DPP6: variants seen among roughly 807,000 people sequenced by gnomAD.
The protein encoded by DPP6 is dipeptidyl peptidase like 6.
In DPP6, 69 loss-of-function variants were observed where a neutral mutation model predicts 122.6. The observed-to-expected ratio is 0.56, with a 90% CI of 0.46 to 0.69. DPP6 has a LOEUF of 0.69. Ranked by LOEUF, DPP6 falls within the 30% of genes least tolerant of loss-of-function variation. The pLI is 0.00. For synonymous variants in DPP6, 418 were observed against 433.1 expected (o/e 0.97, Z 0.43); for missense variants, 928 against 1,116.9 (o/e 0.83, Z 2.41).
rs1013701507 is a variant in DPP6 at position 154,052,580 on chromosome 7, T to A, written c.-241T>A. 6 of 1,190,530 alleles carry A rather than the reference T, an allele frequency of 5.0e-6. No homozygotes were observed. Among genetic ancestry groups the A allele is most frequent in the Non-Finnish European group, 5.3e-6 (5 of 950,402 alleles). The allele number at this position is 1,190,530 out of a possible 1,614,324, so 73.7% of individuals were successfully genotyped here. A position where few individuals can be genotyped will look rare whatever the true frequency, so the allele number is the denominator to read the frequency against. On this transcript the variant is annotated 5_prime_UTR_variant, in exon 1 of 26. Transcript: ENST00000377770. The surrounding 1 kb of genome is among the most constrained non-coding windows in gnomAD (Gnocchi z 4.8). Reference sequence around the variant, plus strand: ...GAGAAAGCACAGCCAGAGCCCCGGCTTCGCGAGCCGCCGGGGAGGGGGCGG... The same window carrying A: ...GAGAAAGCACAGCCAGAGCCCCGGCATCGCGAGCCGCCGGGGAGGGGGCGG...
intron 8 of DPP6, among the ~76,000 whole-genome samples, chr7:154,736,407 C>T (rs1396226213): frequency 6.6e-6 from 1 of 152,218 alleles, no homozygotes; most frequent in East Asian, 1.9e-4. Flanking sequence ...TTCCAATAAA[C>T]TTTATTTGTG....
chr7:154,829,228 C>G (rs564967349), intron 16 of DPP6, among the ~76,000 whole-genome samples: 135 of 149,168 alleles, frequency 9.1e-4, no homozygotes, highest in African/African-American at 3.2e-3. Flanking sequence ...ACAAAAAATA[C>G]AAAAATTAGC....
intron 1 of DPP6, among the ~76,000 whole-genome samples, chr7:154,079,838 C>T (rs151061276): frequency 0.012 from 1,789 of 151,906 alleles, 42 homozygotes; most frequent in African/African-American, 0.04. Context: ...CTAGTATTTA[C>T]AACTGCACGA....
At position 154,727,811 on chromosome 7, in the gene DPP6, G is replaced by C; in HGVS notation, c.807G>C (p.Gly269=). 6.2e-7 allele frequency: 1 copy of C among 1,613,798 alleles called. No homozygotes were observed. Among genetic ancestry groups the C allele is most frequent in the Non-Finnish European group, 8.5e-7 (1 of 1,179,810 alleles). The change falls in exon 8 of 26, where the codon GGG becomes GGC. Residue 269 remains glycine, a synonymous_variant. Transcript: ENST00000377770. ...ATATCTACTACTGTGCACATGTCGG[G>C]AAACAGGCCATCCGTGTGGTCTCCA... ...ENNIYYCAHV[G]KQAIRVVSTG...
chr7:154,236,915 C>A (rs963134669), intron 1 of DPP6, among the ~76,000 whole-genome samples: 2 of 152,116 alleles, frequency 1.3e-5, no homozygotes, highest in African/African-American at 4.8e-5. Context: ...TCCCCAGCCT[C>A]CATTGCACAA....
intron 16 of DPP6, among the ~76,000 whole-genome samples, chr7:154,832,182 C>T (rs1563260704): frequency 6.6e-6 from 1 of 152,124 alleles, no homozygotes; most frequent in Admixed American, 6.6e-5. Flanking sequence ...GTATGCCAGG[C>T]AACGAACTGG....
At chr7:153,981,504 A>C (rs1796583788) in intron 1 of DPP6, among the ~76,000 whole-genome samples, 1 of 152,158 alleles carries the variant, frequency 6.6e-6, no homozygotes, top group Non-Finnish European at 1.5e-5. Context: ...CCAATTTGCC[A>C]GTTTGTATCT....
the DPP6 span, among the ~76,000 whole-genome samples, chr7:153,867,580 A>G: frequency 6.6e-6 from 1 of 152,232 alleles, no homozygotes; most frequent in Non-Finnish European, 1.5e-5. Context: ...TAGATATACA[A>G]TCATGTCATT....
At chr7:153,764,694 A>G in the DPP6 span, among the ~76,000 whole-genome samples, 1 of 150,966 alleles carries the variant, frequency 6.6e-6, no homozygotes, top group Non-Finnish European at 1.5e-5. Flanking sequence ...ACATCCTCAC[A>G]CTTCCTGTCT....
intron 22 of DPP6, among the ~76,000 whole-genome samples, chr7:154,887,450 C>T (rs972102716): frequency 2.6e-5 from 4 of 152,220 alleles, no homozygotes; most frequent in Non-Finnish European, 5.9e-5. Context: ...AACACCGGCA[C>T]TCACACACAT....
At chr7:154,458,336 G>A (rs2151310969) in intron 2 of DPP6, among the ~76,000 whole-genome samples, 1 of 152,340 alleles carries the variant, frequency 6.6e-6, no homozygotes. Flanking sequence ...CTGCTGCCAT[G>A]TAAGATGTGC....
chr7:154,336,339 G>T (rs539386233), intron 1 of DPP6, among the ~76,000 whole-genome samples: 125 of 152,294 alleles, frequency 8.2e-4, no homozygotes, highest in Non-Finnish European at 1.5e-3. Flanking sequence ...TGCCGGGATG[G>T]TATGTGCTCT....
At chr7:154,769,141 A>T (rs1387954903) in intron 8 of DPP6, among the ~76,000 whole-genome samples, 1 of 152,234 alleles carries the variant, frequency 6.6e-6, no homozygotes, top group Admixed American at 6.5e-5. Context: ...GTGCAAAGAA[A>T]AAAAAAGTGT....
At chr7:153,835,816 TTACTGGCCTTTTCTAAAAACTGCA>T in the DPP6 span, among the ~76,000 whole-genome samples, 1 of 152,174 alleles carries the variant, frequency 6.6e-6, no homozygotes, top group Admixed American at 6.5e-5. Flanking sequence ...AGAAAGCTGC[TTACTGGCCTTTTCTAAAAACTGCA>T]CTTCCAGTTC....
chr7:154,042,653 C>T (rs573138378), intron 1 of DPP6, among the ~76,000 whole-genome samples: 1 of 152,114 alleles, frequency 6.6e-6, no homozygotes, highest in Non-Finnish European at 1.5e-5. Flanking sequence ...TAAAAGTCAC[C>T]GAATCTGTGA....
At chr7:153,758,931 TC>T in the DPP6 span, among the ~76,000 whole-genome samples, 2 of 152,230 alleles carry the variant, frequency 1.3e-5, no homozygotes, top group African/African-American at 4.8e-5. Flanking sequence ...AGGCATATGT[TC>T]AACTTTTTAA....
At chr7:154,823,789 T>G (rs1584803390) in intron 16 of DPP6, among the ~76,000 whole-genome samples, 1 of 152,346 alleles carries the variant, frequency 6.6e-6, no homozygotes, top group South Asian at 2.1e-4. Context: ...ATTGTTCTTC[T>G]CTGATACTGA....
At position 154,403,478 on chromosome 7, in the gene DPP6, C is replaced by CT. The variant is rs1815818047; in HGVS notation, c.244-42735dup. On this transcript the variant is annotated intron_variant, in intron 1 of 25. Transcript: ENST00000377770. This position sits in a 1 kb window ranked among gnomAD's most constrained non-coding sequence, Gnocchi z 4.1. Reference sequence around the variant, plus strand: ...GGGGGCAGCCATGCATGAAGACAGGCTGGGGGGCGCTAATGCAGCTTTCTC... The same window carrying CT: ...GGGGGCAGCCATGCATGAAGACAGGCTTGGGGGGCGCTAATGCAGCTTTCTC... Among the ~76,000 whole-genome samples the CT allele has an allele frequency of 6.6e-6, 1 of 152,162 alleles. No individual in the cohort carries two copies. Among genetic ancestry groups the CT allele is most frequent in the Non-Finnish European group, 1.5e-5 (1 of 68,020 alleles).
chr7:154,224,782 AT>A, intron 1 of DPP6, among the ~76,000 whole-genome samples: 1 of 149,436 alleles, frequency 6.7e-6, no homozygotes, highest in East Asian at 1.9e-4. Flanking sequence ...CAGCAACACA[AT>A]TTGATGACGT....
Sources: gnomAD v4.1 joint callset for allele counts (sites outside exome capture counted in the v4.1 genomes callset) on GRCh38, gnomAD v4.1.1 for gene constraint, Gnocchi (gnomAD v3.1) non-coding constraint, MANE v1.5 for transcripts, NCBI Gene and HGNC (gene_info 2026-07-23, HGNC 2026-07-21) for gene names.